The following TENM3 variants were observed in gnomAD, a reference collection of about 807,000 sequenced individuals.
TENM3 encodes teneurin-3.
TENM3 carries 63 observed loss-of-function variants against 255.1 expected under a neutral mutation model. The observed-to-expected ratio is 0.25, with a 90% CI of 0.20 to 0.30. The LOEUF (loss-of-function observed/expected upper bound fraction) is 0.30, where lower values mean the gene tolerates loss of function less well. TENM3 is among the 10% of genes least tolerant of loss of function. The pLI, the probability that TENM3 is intolerant of heterozygous loss-of-function variation, is 1.00. For synonymous variants in TENM3, 1,306 were observed against 1,322.3 expected (o/e 0.99, Z 0.27); for missense variants, 2,929 against 3,461.1 (o/e 0.85, Z 3.86).
the TENM3 span, among the ~76,000 whole-genome samples, chr4:181,996,301 G>A: frequency 1.3e-5 from 2 of 152,160 alleles, no homozygotes; most frequent in African/African-American, 4.8e-5. Flanking sequence ...AGACAGTACA[G>A]AAGGGGACAG....
the TENM3 span, among the ~76,000 whole-genome samples, chr4:181,638,851 G>A: frequency 6.6e-6 from 1 of 152,046 alleles, no homozygotes; most frequent in East Asian, 1.9e-4. Flanking sequence ...ATGAAAAAGG[G>A]CAATTAGCTT....
chr4:181,654,013 G>A, the TENM3 span, among the ~76,000 whole-genome samples: 1 of 151,738 alleles, frequency 6.6e-6, no homozygotes, highest in Non-Finnish European at 1.5e-5. Flanking sequence ...CAGTCAGGCT[G>A]GCAAACTGAG....
the TENM3 span, among the ~76,000 whole-genome samples, chr4:181,940,386 CACTG>C: frequency 6.6e-6 from 1 of 152,164 alleles, no homozygotes; most frequent in Admixed American, 6.5e-5. Context: ...TCGCCAGAAT[CACTG>C]ATTCAATCAG....
chr4:182,419,004 T>A (rs1490865812), intron 3 of TENM3, among the ~76,000 whole-genome samples: 1 of 152,182 alleles, frequency 6.6e-6, no homozygotes, highest in Non-Finnish European at 1.5e-5. Flanking sequence ...CAGAAGATGA[T>A]AAAAATGGTT....
At chr4:181,940,843 A>G in the TENM3 span, among the ~76,000 whole-genome samples, 1 of 152,186 alleles carries the variant, frequency 6.6e-6, no homozygotes, top group Non-Finnish European at 1.5e-5. Context: ...GTCTATGAGG[A>G]GAGTATTACA....
At chr4:181,698,294 T>G in the TENM3 span, among the ~76,000 whole-genome samples, 1 of 151,956 alleles carries the variant, frequency 6.6e-6, no homozygotes, top group Admixed American at 6.6e-5. Context: ...AGAAATAAGG[T>G]GCTCAAGGCC....
intron 3 of TENM3, among the ~76,000 whole-genome samples, chr4:182,356,716 A>AT (rs1236028949): frequency 2.0e-5 from 3 of 151,744 alleles, no homozygotes; most frequent in South Asian, 2.1e-4. Context: ...TAAAATTATT[A>AT]TTTTTTTATT....
the TENM3 span, among the ~76,000 whole-genome samples, chr4:181,757,395 C>T: frequency 6.4e-4 from 97 of 152,230 alleles, 4 homozygotes; most frequent in East Asian, 0.017. Flanking sequence ...GCATTGCATG[C>T]TGTCATATTT....
At chr4:182,000,218 G>A in the TENM3 span, among the ~76,000 whole-genome samples, 2 of 152,092 alleles carry the variant, frequency 1.3e-5, no homozygotes, top group East Asian at 3.8e-4. Context: ...ATCCAACTCA[G>A]CCCTTTCTGC....
chr4:182,761,738 T>TATC (rs1259434940), intron 22 of TENM3, among the ~76,000 whole-genome samples: 1 of 152,218 alleles, frequency 6.6e-6, no homozygotes, highest in African/African-American at 2.4e-5. Context: ...CAAGAGAGTT[T>TATC]ATCAGCAGAT....
chr4:182,377,711 A>G (rs904411641), intron 3 of TENM3, among the ~76,000 whole-genome samples: 2 of 152,166 alleles, frequency 1.3e-5, no homozygotes, highest in Admixed American at 1.3e-4. Context: ...ATAGATCATG[A>G]TATTGTTTAT....
At chr4:181,707,165 C>T in the TENM3 span, among the ~76,000 whole-genome samples, 47 of 152,320 alleles carry the variant, frequency 3.1e-4, no homozygotes, top group South Asian at 9.3e-3. Flanking sequence ...TGGCTGGCAG[C>T]TTTGCTTGGC....
At chr4:182,161,600 CAT>C (rs1218177002) in intron 1 of TENM3, among the ~76,000 whole-genome samples, 8 of 106,122 alleles carry the variant, frequency 7.5e-5, no homozygotes, top group South Asian at 3.3e-4. Context: ...TATATATATA[CAT>C]ATATATATAT....
chr4:182,517,351 T>C (rs1738077414), intron 3 of TENM3, among the ~76,000 whole-genome samples: 1 of 149,308 alleles, frequency 6.7e-6, no homozygotes, highest in African/African-American at 2.5e-5. Context: ...TAGTCTGTTA[T>C]TTGGTTTAAA....
chr4:182,574,567 T>G (rs1400991509), intron 3 of TENM3, among the ~76,000 whole-genome samples: 1 of 152,216 alleles, frequency 6.6e-6, no homozygotes, highest in Non-Finnish European at 1.5e-5. Context: ...ATGTATTATG[T>G]ATTTTAACTA....
At chr4:181,485,432 A>C in the TENM3 span, among the ~76,000 whole-genome samples, 5 of 152,156 alleles carry the variant, frequency 3.3e-5, no homozygotes, top group South Asian at 2.1e-4. Context: ...CGCATTATTC[A>C]TCACTTGTCT....
At chr4:182,609,843 G>A (rs1005559944) in intron 4 of TENM3, among the ~76,000 whole-genome samples, 1 of 152,188 alleles carries the variant, frequency 6.6e-6, no homozygotes, top group African/African-American at 2.4e-5. Context: ...GATGTCATGT[G>A]AAGTACCTAA....
the TENM3 span, among the ~76,000 whole-genome samples, chr4:181,638,418 G>A: frequency 6.6e-6 from 1 of 152,222 alleles, no homozygotes; most frequent in Non-Finnish European, 1.5e-5. Context: ...TGTGTTTGGG[G>A]ATCACCCAGT....
chr4:182,580,710 G>T (rs1435586243), intron 3 of TENM3, among the ~76,000 whole-genome samples: 1 of 152,162 alleles, frequency 6.6e-6, no homozygotes, highest in Non-Finnish European at 1.5e-5. Context: ...GAACTTACCT[G>T]TTTCAACTCA....
Sources: gnomAD v4.1 joint callset for allele counts (sites outside exome capture counted in the v4.1 genomes callset) on GRCh38, gnomAD v4.1.1 for gene constraint, MANE v1.5 for transcripts, NCBI Gene and HGNC (gene_info 2026-07-23, HGNC 2026-07-21) for gene names.